The following ELP4 variants were observed in gnomAD, a reference collection of about 807,000 sequenced individuals.
ELP4 encodes the protein elongator acetyltransferase complex subunit 4.
Under a neutral mutation model 48.9 loss-of-function variants are expected in ELP4, and 51 were observed. The ratio of observed to expected loss-of-function variants is 1.04; its 90% confidence interval spans 0.83 to 1.32. The LOEUF is 1.32. ELP4 is among the 40% of genes most tolerant of loss of function. The probability of loss-of-function intolerance (pLI) is 0.00; values close to 1 mark genes in which losing one functional copy is unlikely to be tolerated. For missense variants in ELP4, 519 were observed against 514.6 expected (o/e 1.01, Z -0.08); for synonymous variants, 210 against 189.2 (o/e 1.11, Z -0.90).
chr11:31,751,992 C>T (rs1294026241), intron 9 of ELP4, among the ~76,000 whole-genome samples: 1 of 151,774 alleles, frequency 6.6e-6, no homozygotes, highest in Admixed American at 6.6e-5. Flanking sequence ...TGTAAGAAAA[C>T]TGAGGGAAAA....
intron 9 of ELP4, among the ~76,000 whole-genome samples, chr11:31,685,507 A>G (rs890347200): frequency 2.6e-5 from 4 of 152,220 alleles, no homozygotes; most frequent in African/African-American, 9.6e-5. Flanking sequence ...AATTACTTCA[A>G]GAAGAGTGTA....
chr11:31,758,550 A>T (rs1164585891), intron 9 of ELP4, among the ~76,000 whole-genome samples: 1 of 152,186 alleles, frequency 6.6e-6, no homozygotes, highest in Non-Finnish European at 1.5e-5. Flanking sequence ...TTTTTTGCCC[A>T]ACCCAAGTTT....
At chr11:31,693,795 C>T (rs535490284) in intron 9 of ELP4, among the ~76,000 whole-genome samples, 102 of 152,176 alleles carry the variant, frequency 6.7e-4, no homozygotes, top group Non-Finnish European at 1.2e-3. Context: ...AAAAGTGTTC[C>T]TATTTCTCCA....
chr11:31,544,767 T>A (rs1330506915), intron 3 of ELP4, among the ~76,000 whole-genome samples: 1 of 152,176 alleles, frequency 6.6e-6, no homozygotes, highest in Non-Finnish European at 1.5e-5. Flanking sequence ...AGGGGCAGAC[T>A]GACACCTCAC....
At chr11:31,581,752 C>CT (rs111876394) in intron 3 of ELP4, among the ~76,000 whole-genome samples, 151 of 140,156 alleles carry the variant, frequency 1.1e-3, no homozygotes, top group Non-Finnish European at 1.1e-3. Context: ...CATGTTCTGT[C>CT]TTTTTTTTTT....
chr11:31,692,601 A>G (rs1170787436), intron 9 of ELP4, among the ~76,000 whole-genome samples: 4 of 152,170 alleles, frequency 2.6e-5, no homozygotes, highest in Admixed American at 6.6e-5. Flanking sequence ...TTGGAAGAGT[A>G]CACAGTGACA....
At chr11:31,613,733 T>A (rs1002329401) in intron 5 of ELP4, among the ~76,000 whole-genome samples, 4 of 150,558 alleles carry the variant, frequency 2.7e-5, no homozygotes, top group African/African-American at 9.8e-5. Flanking sequence ...TTTTTTTTTT[T>A]GAGATGGAGT....
At chr11:31,722,721 C>CTCTCTCTCTCTT (rs1946995208) in intron 9 of ELP4, among the ~76,000 whole-genome samples, 1 of 148,962 alleles carries the variant, frequency 6.7e-6, no homozygotes, top group Non-Finnish European at 1.5e-5. Context: ...CTCTCTCTCT[C>CTCTCTCTCTCTT]TCTCTTTCTC....
intron 5 of ELP4, among the ~76,000 whole-genome samples, chr11:31,615,597 C>CT (rs970960179): frequency 1.0e-4 from 15 of 148,368 alleles, no homozygotes; most frequent in East Asian, 2.0e-4. Context: ...ACACAATCAG[C>CT]TTTTTTTTTT....
In ELP4 at chr11:31,784,652, AGCTT is replaced by A. The variant is rs1948465585; in HGVS notation, c.*1133_*1136del. On this transcript the variant is annotated 3_prime_UTR_variant, in exon 10 of 10. Transcript: ENST00000640961. ...GCAGTTATAACTAGCATTTTTAAGC[AGCTT>A]GCTTTTAATATACCACAAATTATAC... 6.4e-6 allele frequency: 1 copy of A among 155,732 alleles called. No homozygotes were observed. The highest frequency in any genetic ancestry group is 6.5e-5 in the Admixed American group (1 of 15,358). 9.6% of individuals were successfully genotyped at this position (155,732 alleles called of 1,614,324 possible). A position where few individuals can be genotyped will look rare whatever the true frequency, so the allele number is the denominator to read the frequency against.
At chr11:31,728,074 T>C (rs1947113159) in intron 9 of ELP4, among the ~76,000 whole-genome samples, 2 of 152,046 alleles carry the variant, frequency 1.3e-5, no homozygotes, top group Non-Finnish European at 2.9e-5. Context: ...TAAACAAAAC[T>C]TATAAGAGAA....
rs1948439130 is a variant in ELP4, at chr11:31,784,226, A to G, written c.*702A>G. The G allele has an allele frequency of 6.6e-6, 1 of 152,252 alleles. No individual in the cohort carries two copies. Among genetic ancestry groups the G allele is most frequent in the Non-Finnish European group, 1.5e-5 (1 of 68,026 alleles). 9.4% of individuals were successfully genotyped at this position (152,252 alleles called of 1,614,324 possible). On this transcript the variant is annotated 3_prime_UTR_variant, in exon 10 of 10. Coordinates refer to ENST00000640961, the MANE Select transcript of ELP4 (RefSeq NM_019040.5). Reference sequence around the variant, plus strand: ...GATTGAAATTCAAACTGACAGCTACATTAATGCTAGGATACCAGGAGAAAA... The same window carrying G: ...GATTGAAATTCAAACTGACAGCTACGTTAATGCTAGGATACCAGGAGAAAA...
intron 9 of ELP4, among the ~76,000 whole-genome samples, chr11:31,759,463 C>CTT (rs1947900528): frequency 6.6e-6 from 1 of 152,116 alleles, no homozygotes; most frequent in Admixed American, 6.5e-5. Flanking sequence ...ACTATCCTTT[C>CTT]TTTTTAAAGG....
chr11:31,706,550 T>A (rs1429414758), intron 9 of ELP4, among the ~76,000 whole-genome samples: 1 of 147,968 alleles, frequency 6.8e-6, no homozygotes, highest in Admixed American at 6.8e-5. Context: ...TATATTTAAT[T>A]TAATATATTA....
At chr11:31,686,210 C>A (rs1185808916) in intron 9 of ELP4, among the ~76,000 whole-genome samples, 2 of 151,772 alleles carry the variant, frequency 1.3e-5, no homozygotes, top group Non-Finnish European at 2.9e-5. Flanking sequence ...AAGGTTATCA[C>A]CTTCTTTCTC....
intron 9 of ELP4, among the ~76,000 whole-genome samples, chr11:31,708,651 T>C (rs1565121865): frequency 6.6e-6 from 1 of 152,130 alleles, no homozygotes; most frequent in Non-Finnish European, 1.5e-5. Flanking sequence ...TCAGTATGAA[T>C]GTCTTAAGAG....
At chr11:31,773,981 C>T (rs959115646) in intron 9 of ELP4, among the ~76,000 whole-genome samples, 3 of 152,092 alleles carry the variant, frequency 2.0e-5, no homozygotes. Flanking sequence ...GAATTCAAGG[C>T]CAGCCTGGGC....
chr11:31,556,533 A>C (rs939136604), intron 3 of ELP4, among the ~76,000 whole-genome samples: 2 of 151,892 alleles, frequency 1.3e-5, no homozygotes, highest in Admixed American at 1.3e-4. Context: ...ATTTTTAATA[A>C]GTTATGTGTT....
At chr11:31,574,525 A>G (rs1182826958) in intron 3 of ELP4, among the ~76,000 whole-genome samples, 1 of 152,192 alleles carries the variant, frequency 6.6e-6, no homozygotes, top group Non-Finnish European at 1.5e-5. Flanking sequence ...TAACTGGGAC[A>G]CACCTCCCAG....
Sources: allele counts gnomAD v4.1 joint callset (sites outside exome capture counted in the v4.1 genomes callset), GRCh38; gene constraint gnomAD v4.1.1; transcripts MANE v1.5; gene names NCBI Gene and HGNC (gene_info 2026-07-23, HGNC 2026-07-21).